The following PAM variants were observed in gnomAD, a reference collection of about 807,000 sequenced individuals.
PAM encodes peptidylglycine alpha-amidating monooxygenase, also known as peptidyl-glycine alpha-amidating monooxygenase.
Under a neutral mutation model 122.1 loss-of-function variants are expected in PAM, and 72 were observed. That is an observed-to-expected ratio of 0.59 (90% CI 0.49 to 0.72). The LOEUF (loss-of-function observed/expected upper bound fraction) is 0.72, where lower values mean the gene tolerates loss of function less well. Among genes scored for constraint, PAM ranks in the 30% least tolerant of loss-of-function variants. The pLI is 0.00. For synonymous variants in PAM, 389 were observed against 404.4 expected, an observed-to-expected ratio of 0.96 and a Z score of 0.46; for missense variants, 1,106 against 1,183.7, an observed-to-expected ratio of 0.93 and a Z score of 0.96.
At chr5:102,964,840 CAA>C (rs1250674232) in intron 14 of PAM, among the ~76,000 whole-genome samples, 1 of 151,496 alleles carries the variant, frequency 6.6e-6, no homozygotes, top group Non-Finnish European at 1.5e-5. Context: ...AAATTATTGG[CAA>C]GAGTGATTTT....
At chr5:103,000,057 T>G (rs1776932936) in intron 16 of PAM, among the ~76,000 whole-genome samples, 1 of 152,212 alleles carries the variant, frequency 6.6e-6, no homozygotes, top group South Asian at 2.1e-4. Flanking sequence ...TTTCCAAACC[T>G]TTATGCTCTG....
At chr5:103,013,085 G>C (rs1410956523) in intron 21 of PAM, among the ~76,000 whole-genome samples, 1 of 151,986 alleles carries the variant, frequency 6.6e-6, no homozygotes, top group African/African-American at 2.4e-5. Context: ...ATAAATTTTA[G>C]AATTTTTTTC....
intron 1 of PAM, among the ~76,000 whole-genome samples, chr5:102,829,841 G>A (rs931548849): frequency 9.9e-5 from 15 of 151,972 alleles, no homozygotes; most frequent in African/African-American, 3.4e-4. Flanking sequence ...CAGATAGATG[G>A]GTCAATATTA....
rs1278890464 is a variant in PAM, at chr5:102,924,962, GTGA to G, written c.366_368del (p.Asp122del). The G allele has an allele frequency of 6.7e-7, 1 of 1,499,790 alleles. No individual in the cohort carries two copies. The highest frequency in any genetic ancestry group is 1.4e-5 in the African/African-American group (1 of 72,700). 92.9% of individuals were successfully genotyped at this position (1,499,790 alleles called of 1,614,324 possible). ...CTACTTTTTATTTTCTTCAGGTTTT[GTGA>G]TGAAGGAACCTGTACAGATAAAGCC... On this transcript the variant is annotated inframe_deletion, in exon 6 of 26. Coordinates refer to ENST00000438793, the MANE Select transcript of PAM (RefSeq NM_001177306.2).
At chr5:102,755,488 G>A (rs1300883902) in intron 1 of PAM, 140 bp downstream of exon 1, 1 of 147,358 alleles carries the variant, frequency 6.8e-6, no homozygotes, top group African/African-American at 2.5e-5. Context: ...TTTTTCTCCC[G>A]GGCTGCCCGG....
chr5:102,860,764 TGGAAACAGC>T (rs1783957333), intron 1 of PAM, among the ~76,000 whole-genome samples: 1 of 151,918 alleles, frequency 6.6e-6, no homozygotes, highest in African/African-American at 2.4e-5. Flanking sequence ...AACAGTATGG[TGGAAACAGC>T]TGGAAGACAT....
At chr5:102,861,376 C>T (rs924614196) in intron 1 of PAM, among the ~76,000 whole-genome samples, 1 of 152,196 alleles carries the variant, frequency 6.6e-6, no homozygotes, top group African/African-American at 2.4e-5. Flanking sequence ...TTCTGTCATA[C>T]TCCTGCCAAA....
At chr5:102,772,683 T>C (rs968428760) in intron 1 of PAM, among the ~76,000 whole-genome samples, 2 of 152,130 alleles carry the variant, frequency 1.3e-5, no homozygotes, top group Non-Finnish European at 2.9e-5. Flanking sequence ...TATACAGCTA[T>C]AAAATAAAAC....
intron 15 of PAM, among the ~76,000 whole-genome samples, chr5:102,984,160 C>T (rs1344940662): frequency 1.3e-5 from 2 of 151,620 alleles, no homozygotes; most frequent in African/African-American, 2.4e-5. Context: ...CAATGATAAA[C>T]AATAGGAAAG....
At chr5:102,829,229 G>GT (rs1455419794) in intron 1 of PAM, among the ~76,000 whole-genome samples, 1 of 151,948 alleles carries the variant, frequency 6.6e-6, no homozygotes, top group African/African-American at 2.4e-5. Flanking sequence ...TGTATTCTCG[G>GT]TACACCAACG....
chr5:102,763,296 T>C (rs1208135090), intron 1 of PAM, among the ~76,000 whole-genome samples: 1 of 152,164 alleles, frequency 6.6e-6, no homozygotes, highest in Non-Finnish European at 1.5e-5. Flanking sequence ...GTGGAAAAAT[T>C]TTTTATCTAT....
At chr5:102,788,684 G>T (rs554729289) in intron 1 of PAM, among the ~76,000 whole-genome samples, 3 of 152,184 alleles carry the variant, frequency 2.0e-5, no homozygotes, top group East Asian at 3.9e-4. Context: ...TGGGCCAGTG[G>T]TGTTACATCT....
intron 3 of PAM, among the ~76,000 whole-genome samples, chr5:102,879,118 G>C (rs7735820): frequency 0.09 from 13,639 of 151,910 alleles, 1,518 homozygotes; most frequent in African/African-American, 0.26. Context: ...TTTTAGTAGA[G>C]ACGGGGTTTC....
At chr5:102,960,768 T>C (rs2150233212) in intron 13 of PAM, among the ~76,000 whole-genome samples, 1 of 151,878 alleles carries the variant, frequency 6.6e-6, no homozygotes, top group African/African-American at 2.4e-5. Flanking sequence ...TAGCATAGCA[T>C]TCTGGCCATT....
chr5:102,865,876 A>C lies in PAM; in HGVS notation c.-320A>C. ...GGTGATACCCCTCACAGCCCCTGTCATTCCGGAGTCATAAGGCACCCGCGC... is the reference window on the plus strand; with the variant it reads ...GGTGATACCCCTCACAGCCCCTGTCCTTCCGGAGTCATAAGGCACCCGCGC... On this transcript the variant is annotated 5_prime_UTR_variant, in exon 2 of 26. Transcript: ENST00000438793. 3.2e-6 allele frequency: 1 copy of C among 313,032 alleles called. No homozygotes were observed. The highest frequency in any genetic ancestry group is 6.5e-5 in the East Asian group (1 of 15,382). The allele number at this position is 313,032 out of a possible 1,614,324, so 19.4% of individuals were successfully genotyped here.
chr5:102,950,014 A>G (rs745675945), intron 11 of PAM, 36 bp downstream of exon 11: 7 of 1,042,226 alleles, frequency 6.7e-6, no homozygotes, highest in Non-Finnish European at 1.0e-5. Flanking sequence ...AGAGAAAAAA[A>G]TATTAACCAG....
chr5:102,964,433 C>T (rs1308112821), intron 14 of PAM, among the ~76,000 whole-genome samples: 2 of 151,774 alleles, frequency 1.3e-5, no homozygotes, highest in African/African-American at 2.4e-5. Context: ...CAGATTCTGT[C>T]TCAAAAGATG....
chr5:103,022,782 G>T (rs1206594290), intron 23 of PAM, among the ~76,000 whole-genome samples: 1 of 152,026 alleles, frequency 6.6e-6, no homozygotes, highest in African/African-American at 2.4e-5. Flanking sequence ...TTTAATAAAA[G>T]AATTTAGGAT....
intron 15 of PAM, among the ~76,000 whole-genome samples, chr5:102,976,501 A>G (rs1191507821): frequency 6.6e-6 from 1 of 152,130 alleles, no homozygotes; most frequent in Non-Finnish European, 1.5e-5. Context: ...GGTATAGTCA[A>G]AGAGAATAAA....
Sources: allele counts gnomAD v4.1 joint callset (sites outside exome capture counted in the v4.1 genomes callset), GRCh38; gene constraint gnomAD v4.1.1; transcripts MANE v1.5; gene names NCBI Gene and HGNC (gene_info 2026-07-23, HGNC 2026-07-21).